The following MGAT5 variants were observed in gnomAD, a reference collection of about 807,000 sequenced individuals.
MGAT5 encodes alpha-1,6-mannosylglycoprotein 6-beta-N-acetylglucosaminyltransferase.
In MGAT5, 30 loss-of-function variants were observed where a neutral mutation model predicts 94.3. The observed-to-expected ratio is 0.32, with a 90% CI of 0.24 to 0.43. The LOEUF is 0.43. Ranked by LOEUF, MGAT5 falls within the 20% of genes least tolerant of loss-of-function variation. The pLI, the probability that MGAT5 is intolerant of heterozygous loss-of-function variation, is 1.00. For missense variants in MGAT5, 691 were observed against 905.5 expected (o/e 0.76, Z 3.04); for synonymous variants, 310 against 322.9 (o/e 0.96, Z 0.43).
intron 9 of MGAT5, among the ~76,000 whole-genome samples, chr2:134,351,434 T>A (rs1573890629): frequency 6.6e-6 from 1 of 152,244 alleles, no homozygotes; most frequent in Admixed American, 6.5e-5. Flanking sequence ...ATGGCAGGCG[T>A]GTGCCCTACA....
intron 10 of MGAT5, among the ~76,000 whole-genome samples, chr2:134,398,623 G>C (rs1252202098): frequency 6.6e-6 from 1 of 152,136 alleles, no homozygotes; most frequent in Non-Finnish European, 1.5e-5. Flanking sequence ...AGAGATATCC[G>C]CATCCCCATG....
intron 1 of MGAT5, among the ~76,000 whole-genome samples, chr2:134,125,200 C>T (rs1333114468): frequency 6.6e-6 from 1 of 152,122 alleles, no homozygotes; most frequent in Non-Finnish European, 1.5e-5. Context: ...TTCTTTTGTA[C>T]TACAGGTATT....
Position 134,293,357 on chromosome 2 carries a change from T to A in MGAT5, c.406+22807T>A, listed in dbSNP as rs114270715. ...GGGAAATAACATTTAAGCCCACAGA[T>A]GTTAAGAGTAAGTGCTTTGCTCCGT... On this transcript the variant is annotated intron_variant, in intron 2 of 15. Transcript: ENST00000281923. Among the ~76,000 whole-genome samples the A allele has an allele frequency of 6.2e-3, 947 of 152,330 alleles. 8 individuals carry two copies. The highest frequency in any genetic ancestry group is 0.022 in the African/African-American group (903 of 41,562).
At chr2:134,267,361 C>T (rs1027489149) in intron 1 of MGAT5, among the ~76,000 whole-genome samples, 2 of 152,298 alleles carry the variant, frequency 1.3e-5, no homozygotes, top group East Asian at 3.9e-4. Context: ...ATCACATGCT[C>T]CTCAGACTGT....
At chr2:134,236,743 A>G (rs975086365) in intron 1 of MGAT5, among the ~76,000 whole-genome samples, 1 of 152,168 alleles carries the variant, frequency 6.6e-6, no homozygotes, top group African/African-American at 2.4e-5. Context: ...CCCTGATTTC[A>G]GCATGTTCTG....
intron 4 of MGAT5, among the ~76,000 whole-genome samples, chr2:134,330,591 G>A (rs570231981): frequency 1.3e-5 from 2 of 150,582 alleles, no homozygotes; most frequent in African/African-American, 4.9e-5. Flanking sequence ...GTGTTACGAA[G>A]CCCAACATAT....
intron 15 of MGAT5, among the ~76,000 whole-genome samples, chr2:134,444,454 T>C (rs1310994857): frequency 3.9e-5 from 6 of 152,182 alleles, no homozygotes; most frequent in Non-Finnish European, 7.3e-5. Context: ...CTGATATTAA[T>C]TCTCTGAACA....
chr2:134,222,361 G>T (rs1680823924), intron 1 of MGAT5, among the ~76,000 whole-genome samples: 1 of 151,986 alleles, frequency 6.6e-6, no homozygotes, highest in Admixed American at 6.6e-5. Context: ...AAAAACCCCT[G>T]CGTGCATCAT....
intron 10 of MGAT5, 50 bp from the exon 11 acceptor site, chr2:134,402,938 A>G (rs1558860665): frequency 6.5e-7 from 1 of 1,532,206 alleles, no homozygotes; most frequent in Non-Finnish European, 8.8e-7. Context: ...ACAGGTTGTT[A>G]TGCAAATGAA....
At chr2:134,236,548 C>A (rs11689111) in intron 1 of MGAT5, among the ~76,000 whole-genome samples, 34,331 of 152,082 alleles carry the variant, frequency 0.23, 4,496 homozygotes, top group Non-Finnish European at 0.3. Context: ...CCTTCCCCCC[C>A]CTTTTGCTTG....
At chr2:134,289,218 G>A (rs918422947) in intron 2 of MGAT5, among the ~76,000 whole-genome samples, 2 of 152,102 alleles carry the variant, frequency 1.3e-5, no homozygotes, top group East Asian at 1.9e-4. Context: ...CCCTTTGCTC[G>A]GCAGGACTGC....
chr2:134,240,357 G>GTTTTTTTTTTGTTTTTTT, intron 1 of MGAT5, among the ~76,000 whole-genome samples: 1 of 146,830 alleles, frequency 6.8e-6, no homozygotes, highest in South Asian at 2.2e-4. Context: ...AAATGAAAGT[G>GTTTTTTTTTTGTTTTTTT]TTTTTTTTTT....
At chr2:134,193,239 C>T (rs1679320167) in intron 1 of MGAT5, among the ~76,000 whole-genome samples, 1 of 151,884 alleles carries the variant, frequency 6.6e-6, no homozygotes, top group Non-Finnish European at 1.5e-5. Flanking sequence ...TCTCCTACCT[C>T]AGCCTCCCAA....
chr2:134,371,917 G>T (rs1177961060), intron 10 of MGAT5, among the ~76,000 whole-genome samples: 1 of 150,058 alleles, frequency 6.7e-6, no homozygotes, highest in Non-Finnish European at 1.5e-5. Flanking sequence ...TTAGAACCTA[G>T]GTCTGTGTTT....
intron 10 of MGAT5, among the ~76,000 whole-genome samples, chr2:134,375,291 G>A (rs753845509): frequency 2.0e-5 from 3 of 152,154 alleles, no homozygotes; most frequent in Non-Finnish European, 4.4e-5. Flanking sequence ...CAACACACTG[G>A]ACTACAAGGA....
chr2:134,445,123 C>T (rs916732396), intron 15 of MGAT5, among the ~76,000 whole-genome samples: 1 of 152,152 alleles, frequency 6.6e-6, no homozygotes, highest in Non-Finnish European at 1.5e-5. Context: ...GCAAAGAATT[C>T]TAAGCAGTAC....
chr2:134,370,127 A>G (rs1680693348), intron 10 of MGAT5, among the ~76,000 whole-genome samples: 1 of 152,206 alleles, frequency 6.6e-6, no homozygotes, highest in Non-Finnish European at 1.5e-5. Flanking sequence ...AATTAATGCA[A>G]AATTGGGAAT....
chr2:134,160,386 A>T (rs4954111), intron 1 of MGAT5, among the ~76,000 whole-genome samples: 3 of 152,068 alleles, frequency 2.0e-5, no homozygotes, highest in Non-Finnish European at 4.4e-5. Context: ...GTTAGCCAGG[A>T]TGGTCTCGAC....
intron 11 of MGAT5, among the ~76,000 whole-genome samples, chr2:134,409,774 C>G (rs1257026445): frequency 1.3e-5 from 2 of 152,186 alleles, no homozygotes; most frequent in Non-Finnish European, 2.9e-5. Context: ...TCTTCTTTCA[C>G]AGAGTGGGAA....
Sources: gnomAD v4.1 joint callset for allele counts (sites outside exome capture counted in the v4.1 genomes callset) on GRCh38, gnomAD v4.1.1 for gene constraint, MANE v1.5 for transcripts, NCBI Gene and HGNC (gene_info 2026-07-23, HGNC 2026-07-21) for gene names.